The following SLC7A11 variants were observed in gnomAD, a reference collection of about 807,000 sequenced individuals.
SLC7A11 encodes cystine/glutamate transporter.
SLC7A11 carries 35 observed loss-of-function variants against 54.5 expected under a neutral mutation model. The observed-to-expected ratio is 0.64, with a 90% CI of 0.49 to 0.85. The LOEUF (loss-of-function observed/expected upper bound fraction) is 0.85. Among genes scored for constraint, SLC7A11 ranks in the 40% least tolerant of loss-of-function variants. SLC7A11 has a pLI of 0.00. For missense variants in SLC7A11, 583 were observed against 618.1 expected (o/e 0.94, Z 0.60); for synonymous variants, 230 against 225.2 (o/e 1.02, Z -0.19).
At chr4:138,182,528 A>G in intron 8 of SLC7A11, 135 bp from the exon 9 acceptor site, 1 of 603,842 alleles carries the variant, frequency 1.7e-6, no homozygotes, top group Non-Finnish European at 3.0e-6. Flanking sequence ...GCCTAAGTTC[A>G]CTTTTCAAAT....
intron 6 of SLC7A11, among the ~76,000 whole-genome samples, chr4:138,203,884 G>C (rs1454172233): frequency 6.6e-6 from 1 of 151,862 alleles, no homozygotes; most frequent in East Asian, 1.9e-4. Flanking sequence ...TCTTATAGTA[G>C]AGTCTAAGAG....
intron 1 of SLC7A11, among the ~76,000 whole-genome samples, chr4:138,239,378 G>C (rs970381841): frequency 5.9e-5 from 9 of 151,968 alleles, no homozygotes; most frequent in Non-Finnish European, 8.8e-5. Flanking sequence ...TCCATGTATT[G>C]ACCCTTCACT....
intron 8 of SLC7A11, among the ~76,000 whole-genome samples, chr4:138,182,807 TAAAAC>T (rs1269438090): frequency 6.6e-6 from 1 of 152,166 alleles, no homozygotes; most frequent in African/African-American, 2.4e-5. Flanking sequence ...AATCGTATAT[TAAAAC>T]AAAAAGACTA....
chr4:138,196,686 C>T (rs947782529), intron 6 of SLC7A11, among the ~76,000 whole-genome samples: 1 of 150,594 alleles, frequency 6.6e-6, no homozygotes, highest in African/African-American at 2.4e-5. Context: ...TTAGACAGAG[C>T]CTCACTCTTG....
At chr4:138,228,478 G>A (rs1044332611) in intron 3 of SLC7A11, among the ~76,000 whole-genome samples, 1 of 152,002 alleles carries the variant, frequency 6.6e-6, no homozygotes, top group African/African-American at 2.4e-5. Flanking sequence ...GTAATTACAG[G>A]TCGGGCGCGA....
chr4:138,181,532 C>G (rs967591371), intron 9 of SLC7A11, among the ~76,000 whole-genome samples: 1 of 151,972 alleles, frequency 6.6e-6, no homozygotes, highest in African/African-American at 2.4e-5. Context: ...AGAGAGTACA[C>G]ATACTTTAAA....
intron 6 of SLC7A11, among the ~76,000 whole-genome samples, chr4:138,194,484 C>T (rs1560724167): frequency 1.3e-5 from 2 of 152,178 alleles, no homozygotes; most frequent in African/African-American, 2.4e-5. Flanking sequence ...TCAAGTGCCA[C>T]TATCTAATGG....
At chr4:138,216,055 G>A (rs1405984369) in intron 5 of SLC7A11, among the ~76,000 whole-genome samples, 2 of 152,202 alleles carry the variant, frequency 1.3e-5, no homozygotes, top group Non-Finnish European at 2.9e-5. Flanking sequence ...CACACATCCT[G>A]TGGGAAATCC....
rs115959359 is a variant in SLC7A11, at chr4:138,179,643, C to T, written c.1267-249G>A. On this transcript the variant is annotated intron_variant, in intron 10 of 11. Transcript: ENST00000280612. ...TTTAAATCTTTGGCTAGAACAAACT[C>T]TAAGGACAAAAATGGATACTTTATT... 8.4e-3 allele frequency among the ~76,000 whole-genome samples: 1,282 copies of T among 152,166 alleles called. 13 individuals carry two copies. Among genetic ancestry groups the T allele is most frequent in the African/African-American group, 0.03 (1,225 of 41,510 alleles).
chr4:138,240,637 C>T (rs1166142411), intron 1 of SLC7A11, among the ~76,000 whole-genome samples: 2 of 151,152 alleles, frequency 1.3e-5, no homozygotes, highest in Non-Finnish European at 2.9e-5. Context: ...CATCACAAGG[C>T]CTGAGTAGAA....
Position 138,170,426 on chromosome 4 carries a change from C to T in SLC7A11, c.*1530G>A, listed in dbSNP as rs190486729. On this transcript the variant is annotated 3_prime_UTR_variant, in exon 12 of 12. Transcript: ENST00000280612. ...CCGCCTCCCGGGTTCAAGCAATTCT[C>T]CTGCCTCAGCCTCCTCAATAGCTGA... 1,965 of 151,022 alleles carry T rather than the reference C, an allele frequency of 0.013. 25 individuals carry two copies. The highest frequency in any genetic ancestry group is 0.02 in the Non-Finnish European group (1,388 of 67,760). 9.4% of individuals were successfully genotyped at this position (151,022 alleles called of 1,614,324 possible).
chr4:138,196,742 C>T (rs1737143611), intron 6 of SLC7A11, among the ~76,000 whole-genome samples: 1 of 152,108 alleles, frequency 6.6e-6, no homozygotes, highest in Admixed American at 6.5e-5. Flanking sequence ...TCACTGCAAC[C>T]TTCACCTCCT....
intron 1 of SLC7A11, among the ~76,000 whole-genome samples, chr4:138,237,737 A>ATTTTTTTT (rs1169641615): frequency 4.1e-4 from 4 of 9,828 alleles, no homozygotes; most frequent in Non-Finnish European, 6.6e-4. Context: ...ATATATATAT[A>ATTTTTTTT]TTTTTTTTTT....
intron 6 of SLC7A11, among the ~76,000 whole-genome samples, chr4:138,200,435 T>A (rs1269386227): frequency 1.3e-5 from 2 of 152,136 alleles, no homozygotes; most frequent in Non-Finnish European, 2.9e-5. Context: ...CTTTAGAAAG[T>A]CAAATGCAGG....
Position 138,165,248 on chromosome 4 carries a change from C to T in SLC7A11, c.*6708G>A, listed in dbSNP as rs1736227062. The T allele has an allele frequency of 6.6e-6, 1 of 152,518 alleles. No individual in the cohort carries two copies. Among genetic ancestry groups the T allele is most frequent in the Non-Finnish European group, 1.5e-5 (1 of 68,004 alleles). The allele number at this position is 152,518 out of a possible 1,614,324, so 9.4% of individuals were successfully genotyped here. On this transcript the variant is annotated 3_prime_UTR_variant, in exon 12 of 12. Transcript: ENST00000280612. ...TAAAAGATTCATCCTGAGATGAATT[C>T]TGAGTCAATAACTAAAAACCATTTC...
intron 6 of SLC7A11, among the ~76,000 whole-genome samples, chr4:138,195,490 C>T (rs1393212183): frequency 6.6e-6 from 1 of 152,078 alleles, no homozygotes; most frequent in African/African-American, 2.4e-5. Flanking sequence ...TTCATCCTCT[C>T]ACGGAATCTA....
intron 6 of SLC7A11, among the ~76,000 whole-genome samples, chr4:138,199,525 A>G (rs904150560): frequency 6.6e-6 from 1 of 152,152 alleles, no homozygotes; most frequent in Non-Finnish European, 1.5e-5. Context: ...ATATGTGTCC[A>G]TTATGAGAAA....
At chr4:138,226,842 CAT>C (rs1481511399) in intron 3 of SLC7A11, among the ~76,000 whole-genome samples, 1 of 152,174 alleles carries the variant, frequency 6.6e-6, no homozygotes, top group Non-Finnish European at 1.5e-5. Context: ...TAATTTCACA[CAT>C]GAGGAAATAA....
At chr4:138,195,432 A>G (rs1172126254) in intron 6 of SLC7A11, among the ~76,000 whole-genome samples, 1 of 152,158 alleles carries the variant, frequency 6.6e-6, no homozygotes, top group Admixed American at 6.6e-5. Context: ...TCTATATGCT[A>G]GACATTATAA....
Sources: gnomAD v4.1 joint callset for allele counts (sites outside exome capture counted in the v4.1 genomes callset) on GRCh38, gnomAD v4.1.1 for gene constraint, MANE v1.5 for transcripts, NCBI Gene and HGNC (gene_info 2026-07-23, HGNC 2026-07-21) for gene names.